Variants in ELAVL4 observed in about 807,000 individuals in gnomAD.
The protein encoded by ELAVL4 is ELAV-like protein 4.
ELAVL4 carries 1 observed loss-of-function variant against 35.6 expected under a neutral mutation model. The ratio of observed to expected loss-of-function variants is 0.03; its 90% CI spans 0.01 to 0.13. The LOEUF (loss-of-function observed/expected upper bound fraction) is 0.13. Ranked by LOEUF, ELAVL4 falls within the 10% of genes least tolerant of loss-of-function variation. The probability of loss-of-function intolerance (pLI) is 1.00; values close to 1 mark genes in which losing one functional copy is unlikely to be tolerated. For synonymous variants in ELAVL4, 156 were observed against 171.0 expected, an observed-to-expected ratio of 0.91 and a Z score of 0.69; for missense variants, 267 against 464.9, an observed-to-expected ratio of 0.57 and a Z score of 3.91.
intron 3 of ELAVL4, among the ~76,000 whole-genome samples, chr1:50,181,729 G>T (rs1391013957): frequency 6.6e-6 from 1 of 152,092 alleles, no homozygotes; most frequent in Non-Finnish European, 1.5e-5. Flanking sequence ...TGTTGCCCAG[G>T]CTGGAACGCA....
At chr1:50,149,228 T>A (rs966544101) in intron 2 of ELAVL4, among the ~76,000 whole-genome samples, 3 of 151,810 alleles carry the variant, frequency 2.0e-5, no homozygotes, top group Non-Finnish European at 4.4e-5. Context: ...TGAAACCCCG[T>A]CTCTACTAAA....
At chr1:50,112,174 C>A (rs1250702733) in intron 1 of ELAVL4, among the ~76,000 whole-genome samples, 1 of 151,916 alleles carries the variant, frequency 6.6e-6, no homozygotes, top group African/African-American at 2.4e-5. Context: ...AATAAATAAA[C>A]TTGTATTTTT....
chr1:50,058,173 A>G (rs1189807534), intron 1 of ELAVL4, among the ~76,000 whole-genome samples: 4 of 152,228 alleles, frequency 2.6e-5, no homozygotes, highest in Non-Finnish European at 4.4e-5. Flanking sequence ...TATAGGGGTC[A>G]CAGTGGACCA....
At chr1:50,109,822 G>T in intron 1 of ELAVL4, 1 of 1,306,096 alleles carries the variant, frequency 7.7e-7, no homozygotes, top group Non-Finnish European at 1.1e-6. Context: ...TGCCTGGCGT[G>T]TTGAGTTGTT....
chr1:50,170,440 A>G (rs1016408534), intron 2 of ELAVL4, among the ~76,000 whole-genome samples: 75 of 152,350 alleles, frequency 4.9e-4, no homozygotes, highest in African/African-American at 1.8e-3. Context: ...TAGTATCCCC[A>G]GAAACCAAGG....
upstream of ELAVL4, among the ~76,000 whole-genome samples, chr1:50,099,380 G>A (rs532269037): frequency 2.0e-5 from 3 of 152,068 alleles, no homozygotes; most frequent in Middle Eastern, 3.4e-3. Context: ...GACCAACATG[G>A]AGAAATCCTG....
At chr1:50,103,072 C>T (rs922262729), upstream of ELAVL4, among the ~76,000 whole-genome samples, 4 of 152,140 alleles carry the variant, frequency 2.6e-5, no homozygotes, top group Non-Finnish European at 5.9e-5. Flanking sequence ...CTTTTACTTT[C>T]AGCTACTGTT....
At chr1:50,145,572 G>T (rs1376828671) in intron 2 of ELAVL4, among the ~76,000 whole-genome samples, 1 of 151,974 alleles carries the variant, frequency 6.6e-6, no homozygotes, top group East Asian at 1.9e-4. Flanking sequence ...TGCTTCATGT[G>T]TGCCCAGTGT....
At position 50,136,529 on chromosome 1, in the gene ELAVL4, C is replaced by T. The variant is rs985962343; in HGVS notation, c.10-8428C>T. Among the ~76,000 whole-genome samples the T allele has an allele frequency of 4.6e-5, 7 of 152,124 alleles. No individual in the cohort carries two copies. The East Asian group carries it at 1.2e-3, about 25-fold the overall frequency. On this transcript the variant is annotated intron_variant, in intron 1 of 6. Coordinates refer to ENST00000371824, the MANE Select transcript of ELAVL4 (RefSeq NM_001144774.3). ...GCTTGTTCTATTACATAAGGGTTAGCTTTATACATATATTTTCAAAAATCC... is the reference window on the plus strand; with the variant it reads ...GCTTGTTCTATTACATAAGGGTTAGTTTTATACATATATTTTCAAAAATCC...
At chr1:50,121,301 T>A (rs148268705) in intron 1 of ELAVL4, among the ~76,000 whole-genome samples, 97 of 152,172 alleles carry the variant, frequency 6.4e-4, no homozygotes, top group African/African-American at 2.2e-3. Flanking sequence ...TCCATTGAAT[T>A]GTATCCTTGA....
At chr1:50,133,580 G>GAA (rs1557754245) in intron 1 of ELAVL4, among the ~76,000 whole-genome samples, 5 of 89,458 alleles carry the variant, frequency 5.6e-5, no homozygotes, top group Admixed American at 1.2e-4. Context: ...GAAAGAGAGA[G>GAA]AGAAAGAAAG....
chr1:50,140,783 A>G (rs1672692495), intron 1 of ELAVL4, among the ~76,000 whole-genome samples: 1 of 152,214 alleles, frequency 6.6e-6, no homozygotes, highest in Admixed American at 6.5e-5. Flanking sequence ...CTGGATACAC[A>G]AAAGAATAAC....
intron 3 of ELAVL4, among the ~76,000 whole-genome samples, chr1:50,191,915 G>T (rs991764036): frequency 3.9e-5 from 6 of 152,170 alleles, no homozygotes; most frequent in African/African-American, 1.4e-4. Context: ...ATTGCCATGG[G>T]CATATCACTA....
At chr1:50,123,725 T>C (rs1198764088) in intron 1 of ELAVL4, among the ~76,000 whole-genome samples, 1 of 152,078 alleles carries the variant, frequency 6.6e-6, no homozygotes, top group Non-Finnish European at 1.5e-5. Context: ...TGCTCCACTG[T>C]AGAACTGCAC....
chr1:50,108,987 A>G lies in ELAVL4; in HGVS notation c.-203A>G. ...ATCCTAGAATCGGGGGTTTCAGCTCACTGCTCCTTTTCTTTTTTTTCTTTC... is the reference window on the plus strand; with the variant it reads ...ATCCTAGAATCGGGGGTTTCAGCTCGCTGCTCCTTTTCTTTTTTTTCTTTC... On this transcript the variant is annotated 5_prime_UTR_variant, in exon 1 of 7. Transcript: ENST00000371824. The G allele has an allele frequency of 7.0e-6, 9 of 1,277,736 alleles. No homozygotes were observed. Among genetic ancestry groups the G allele is most frequent in the Non-Finnish European group, 8.9e-6 (9 of 1,014,094 alleles). 79.1% of individuals were successfully genotyped at this position (1,277,736 alleles called of 1,614,324 possible). A position where few individuals can be genotyped will look rare whatever the true frequency, so the allele number is the denominator to read the frequency against.
At chr1:50,088,586 G>A (rs761201955) in intron 1 of ELAVL4, among the ~76,000 whole-genome samples, 2 of 152,070 alleles carry the variant, frequency 1.3e-5, no homozygotes, top group Non-Finnish European at 2.9e-5. Context: ...ATTCAATCTC[G>A]GACAAAGTAA....
chr1:50,053,829 GA>G (rs1304646866), intron 1 of ELAVL4, among the ~76,000 whole-genome samples: 2 of 151,930 alleles, frequency 1.3e-5, no homozygotes, highest in Admixed American at 6.6e-5. Flanking sequence ...TGCTATGTGG[GA>G]AAAAAAATAG....
At chr1:50,192,046 C>G (rs1401997190) in intron 3 of ELAVL4, among the ~76,000 whole-genome samples, 1 of 152,134 alleles carries the variant, frequency 6.6e-6, no homozygotes, top group Non-Finnish European at 1.5e-5. Context: ...AAGCCCTGTC[C>G]AGACAGTCAC....
At chr1:50,183,858 T>C (rs1681426431) in intron 3 of ELAVL4, among the ~76,000 whole-genome samples, 1 of 152,224 alleles carries the variant, frequency 6.6e-6, no homozygotes. Context: ...CTGATGGATA[T>C]CACCCCACAC....
Sources: allele counts gnomAD v4.1 joint callset (sites outside exome capture counted in the v4.1 genomes callset), GRCh38; gene constraint gnomAD v4.1.1; transcripts MANE v1.5; gene names NCBI Gene and HGNC (gene_info 2026-07-23, HGNC 2026-07-21).